Variants in ELF2 observed in about 807,000 individuals in gnomAD.
The protein encoded by ELF2 is ETS-related transcription factor Elf-2.
ELF2 carries 11 observed loss-of-function variants against 54.8 expected under a neutral mutation model. The ratio of observed to expected loss-of-function variants is 0.20; its 90% CI spans 0.13 to 0.33. ELF2 has a LOEUF of 0.33. ELF2 is among the 10% of genes least tolerant of loss of function. The pLI, the probability that ELF2 is intolerant of heterozygous loss-of-function variation, is 1.00. For missense variants in ELF2, 513 were observed against 703.0 expected, an observed-to-expected ratio of 0.73 and a Z score of 3.06; for synonymous variants, 203 against 245.1, an observed-to-expected ratio of 0.83 and a Z score of 1.61.
intron 4 of ELF2, among the ~76,000 whole-genome samples, chr4:139,085,072 C>T (rs1447026405): frequency 6.6e-6 from 1 of 152,128 alleles, no homozygotes; most frequent in Non-Finnish European, 1.5e-5. Flanking sequence ...CACTTGGAAA[C>T]AAATTTATAT....
chr4:139,097,699 T>G (rs1321573731), intron 4 of ELF2, among the ~76,000 whole-genome samples: 1 of 151,662 alleles, frequency 6.6e-6, no homozygotes, highest in Non-Finnish European at 1.5e-5. Flanking sequence ...CATTTTCATT[T>G]CTTTTTTGAT....
At chr4:139,145,445 G>A (rs909214703) in intron 1 of ELF2, among the ~76,000 whole-genome samples, 1 of 152,170 alleles carries the variant, frequency 6.6e-6, no homozygotes, top group African/African-American at 2.4e-5. Context: ...AGGAGCAGCA[G>A]TACTCACAGT....
Position 139,137,751 on chromosome 4 carries a change from G to A in ELF2, c.-50C>T. ...ACGCTATTAATCAATGAAATTAAAG[G>A]TTCACTGATGGTTGCCAGTGTTATA... On this transcript the variant is annotated 5_prime_UTR_variant, in exon 3 of 10. Coordinates refer to ENST00000686138, the MANE Select transcript of ELF2 (RefSeq NM_001331036.3). The A allele has an allele frequency of 6.2e-7, 1 of 1,609,286 alleles. No homozygotes were observed. Among genetic ancestry groups the A allele is most frequent in the Non-Finnish European group, 8.5e-7 (1 of 1,178,418 alleles).
At chr4:139,063,194 G>T (rs1432986194) in intron 7 of ELF2, among the ~76,000 whole-genome samples, 1 of 152,082 alleles carries the variant, frequency 6.6e-6, no homozygotes, top group Non-Finnish European at 1.5e-5. Context: ...GGAAGCAGAG[G>T]TTACAGTGAG....
intron 4 of ELF2, among the ~76,000 whole-genome samples, chr4:139,114,506 T>G (rs1429791946): frequency 6.9e-6 from 1 of 145,456 alleles, no homozygotes; most frequent in African/African-American, 2.5e-5. Flanking sequence ...GAGGTTGCAG[T>G]GAGCTGAGAT....
intron 4 of ELF2, among the ~76,000 whole-genome samples, chr4:139,097,460 T>C (rs1460152891): frequency 6.6e-6 from 1 of 151,938 alleles, no homozygotes; most frequent in Non-Finnish European, 1.5e-5. Context: ...CTACTAAAAA[T>C]ACAAAAATTA....
intron 4 of ELF2, among the ~76,000 whole-genome samples, chr4:139,114,697 G>A (rs1735417981): frequency 7.7e-6 from 1 of 130,088 alleles, no homozygotes; most frequent in Non-Finnish European, 1.6e-5. Context: ...TAAAGGGCCC[G>A]CGCCACGGAG....
Position 139,125,312 on chromosome 4 carries a change from A to G in ELF2, c.90T>C (p.Ser30=), listed in dbSNP as rs115767880. 3 of 1,609,198 alleles carry G rather than the reference A, an allele frequency of 1.9e-6. No homozygotes were observed. The highest frequency in any genetic ancestry group is 4.5e-5 in the East Asian group (2 of 44,870). ...VENQEESEKV[S]EYPAVIVEPV... ...GCTCCACAATCACTGCTGGATATTC[A>G]GAAACCTTTTCACTTTCCTATAAGA... Residue 30 remains serine (S), a synonymous_variant, in exon 4 of 10, where the codon TCT becomes TCC. Transcript: ENST00000686138.
chr4:139,099,594 G>A (rs1733658581), intron 4 of ELF2, among the ~76,000 whole-genome samples: 1 of 152,134 alleles, frequency 6.6e-6, no homozygotes, highest in Admixed American at 6.5e-5. Flanking sequence ...ACCACAGCTG[G>A]ACCTTAGACT....
chr4:139,129,257 G>A (rs966243186), intron 3 of ELF2, among the ~76,000 whole-genome samples: 7 of 152,134 alleles, frequency 4.6e-5, no homozygotes, highest in Non-Finnish European at 1.0e-4. Context: ...ACTTTCAAGC[G>A]TCTCCTCTGA....
At chr4:139,124,784 C>T (rs916666618) in intron 4 of ELF2, among the ~76,000 whole-genome samples, 3 of 152,028 alleles carry the variant, frequency 2.0e-5, no homozygotes, top group African/African-American at 7.2e-5. Context: ...CAAAGAAACT[C>T]ATAATCAATT....
chr4:139,126,839 G>A (rs928222863), intron 3 of ELF2, among the ~76,000 whole-genome samples: 1 of 152,136 alleles, frequency 6.6e-6, no homozygotes, highest in Non-Finnish European at 1.5e-5. Flanking sequence ...CAATAAGAGA[G>A]AGTGAATTTT....
intron 1 of ELF2, among the ~76,000 whole-genome samples, chr4:139,170,716 C>CATTATATTAT (rs56747979): frequency 0.014 from 1,984 of 142,696 alleles, 26 homozygotes; most frequent in African/African-American, 0.036. Context: ...TATTACATTA[C>CATTATATTAT]ATTATATTAT....
Position 139,059,249 on chromosome 4 carries a change from G to C in ELF2, c.1516C>G (p.Pro506Ala), listed in dbSNP as rs1397088980. 3.1e-6 allele frequency: 5 copies of C among 1,613,902 alleles called. No individual in the cohort carries two copies. ...LTPVSIAHGTPVMRLSMPTQQ... is the reference protein window; with the variant it reads ...LTPVSIAHGTAVMRLSMPTQQ... ...GTAGGCATTGATAGTCTCATTACAG[G>C]TGTACCATGGGCTATTGAAACAGGG... The change falls in exon 10 of 10, where the codon CCT (proline) becomes GCT (alanine). Residue 506 changes from proline (P) to alanine (A), a missense_variant. Around this residue, in one of 3 missense-constraint regions of ELF2, gnomAD observed 291 missense variants for 366.1 expected, o/e 0.79. Coordinates refer to ENST00000686138, the MANE Select transcript of ELF2 (RefSeq NM_001331036.3).
chr4:139,071,070 T>C (rs1448731215), intron 6 of ELF2, among the ~76,000 whole-genome samples: 2 of 152,076 alleles, frequency 1.3e-5, no homozygotes, highest in African/African-American at 4.8e-5. Flanking sequence ...CCTCATGATG[T>C]TGAAAATGTG....
chr4:139,068,153 T>C (rs1230542404), intron 6 of ELF2, among the ~76,000 whole-genome samples: 3 of 152,108 alleles, frequency 2.0e-5, no homozygotes, highest in Non-Finnish European at 4.4e-5. Context: ...CCCAAGTAGT[T>C]GGGACTACAG....
rs1002583205 is a variant in ELF2, at chr4:139,058,407, G to GTGTGTATATATA, written c.*575_*576insTATATATACACA. The GTGTGTATATATA allele has an allele frequency of 1.4e-5, 2 of 142,160 alleles. No individual in the cohort carries two copies. Among genetic ancestry groups the GTGTGTATATATA allele is most frequent in the African/African-American group, 5.2e-5 (2 of 38,824 alleles). The allele number at this position is 142,160 out of a possible 1,614,324, so 8.8% of individuals were successfully genotyped here. On this transcript the variant is annotated 3_prime_UTR_variant, in exon 10 of 10. Transcript: ENST00000686138. ...AGCTATATGATATATATATATGTAT[G>GTGTGTATATATA]TATATATATATATATATATATATAA...
chr4:139,104,198 T>C (rs1734184947), intron 4 of ELF2, among the ~76,000 whole-genome samples: 1 of 152,104 alleles, frequency 6.6e-6, no homozygotes. Context: ...TCTCTTGATA[T>C]ACTCAATGAA....
intron 4 of ELF2, among the ~76,000 whole-genome samples, chr4:139,110,325 T>A (rs1010239595): frequency 1.3e-5 from 2 of 152,188 alleles, no homozygotes; most frequent in Non-Finnish European, 2.9e-5. Flanking sequence ...CAGTTCCTGT[T>A]GTGACCAAAG....
Sources: gnomAD v4.1 joint callset for allele counts (sites outside exome capture counted in the v4.1 genomes callset) on GRCh38, gnomAD v4.1.1 for gene constraint, gnomAD v4.1.1 regional missense constraint, MANE v1.5 for transcripts, NCBI Gene and HGNC (gene_info 2026-07-23, HGNC 2026-07-21) for gene names.